The following RGS12 variants were observed in gnomAD, a reference collection of about 807,000 sequenced individuals.
The protein encoded by RGS12 is regulator of G protein signaling 12.
Under a neutral mutation model 120.1 loss-of-function variants are expected in RGS12, and 66 were observed. That is an observed-to-expected ratio of 0.55 (90% CI 0.45 to 0.67). The LOEUF (loss-of-function observed/expected upper bound fraction) is 0.67, where lower values mean the gene tolerates loss of function less well. Ranked by LOEUF, RGS12 falls within the 30% of genes least tolerant of loss-of-function variation. RGS12 has a pLI of 0.00. For missense variants in RGS12, 1,859 were observed against 1,957.7 expected (o/e 0.95, Z 0.95); for synonymous variants, 827 against 804.7 (o/e 1.03, Z -0.47).
intron 3 of RGS12, among the ~76,000 whole-genome samples, chr4:3,361,205 CA>C (rs1307060712): frequency 1.3e-5 from 2 of 152,108 alleles, no homozygotes; most frequent in Non-Finnish European, 2.9e-5. Context: ...TGGAAACAGG[CA>C]AGACTGTTGA....
At chr4:3,384,957 G>T (rs1351406351) in intron 3 of RGS12, among the ~76,000 whole-genome samples, 1 of 152,228 alleles carries the variant, frequency 6.6e-6, no homozygotes, top group African/African-American at 2.4e-5. Context: ...GGGGTGGTCA[G>T]ACAGGATGTG....
intron 3 of RGS12, among the ~76,000 whole-genome samples, chr4:3,346,228 A>G (rs1432589130): frequency 6.6e-6 from 1 of 152,208 alleles, no homozygotes; most frequent in African/African-American, 2.4e-5. Flanking sequence ...CAGTTGTATT[A>G]GGGATGTTCC....
At chr4:3,315,290 G>A (rs576272594) in intron 1 of RGS12, among the ~76,000 whole-genome samples, 1 of 152,292 alleles carries the variant, frequency 6.6e-6, no homozygotes, top group East Asian at 1.9e-4. Context: ...GGAATCCTAG[G>A]GAATCACTGG....
chr4:3,388,901 C>T (rs2108982295), intron 4 of RGS12, among the ~76,000 whole-genome samples: 1 of 152,354 alleles, frequency 6.6e-6, no homozygotes, highest in South Asian at 2.1e-4. Flanking sequence ...GAAAAATGCT[C>T]CCCGAGTTCC....
In RGS12 at chr4:3,303,216, C is replaced by T. The variant is rs940107382; in HGVS notation, c.-102+10117C>T. Among the ~76,000 whole-genome samples the T allele has an allele frequency of 2.4e-4, 37 of 152,222 alleles. 1 individual carries two copies. The highest frequency in any genetic ancestry group is 1.9e-3 in the South Asian group (9 of 4,814). On this transcript the variant is annotated intron_variant, in intron 1 of 17. Transcript: ENST00000336727. ...GAAGTGGGGAAGGACAAAGCGCTGGCAGCTGTGGGCAGGAGGAGGGTGAGG... is the reference window on the plus strand; with the variant it reads ...GAAGTGGGGAAGGACAAAGCGCTGGTAGCTGTGGGCAGGAGGAGGGTGAGG...
intron 2 of RGS12, among the ~76,000 whole-genome samples, chr4:3,322,245 G>C (rs906119444): frequency 6.6e-6 from 1 of 152,204 alleles, no homozygotes; most frequent in East Asian, 1.9e-4. Flanking sequence ...GCTCATCCTT[G>C]TCAGCTTCTC....
intron 2 of RGS12, among the ~76,000 whole-genome samples, chr4:3,326,786 C>A (rs1725577891): frequency 1.3e-5 from 2 of 152,024 alleles, no homozygotes; most frequent in African/African-American, 4.8e-5. Context: ...AGGAAAACTA[C>A]AAAATACTGA....
intron 17 of RGS12, among the ~76,000 whole-genome samples, chr4:3,432,484 G>A (rs1724409043): frequency 6.6e-6 from 1 of 152,218 alleles, no homozygotes; most frequent in Non-Finnish European, 1.5e-5. Flanking sequence ...GCAGCCCTGG[G>A]GCTGTGGCTG....
intron 3 of RGS12, among the ~76,000 whole-genome samples, chr4:3,349,052 T>C (rs535219313): frequency 1.3e-5 from 2 of 152,320 alleles, no homozygotes; most frequent in South Asian, 4.1e-4. Flanking sequence ...AATCAAAACG[T>C]CCTGCAGTTT....
intron 5 of RGS12, 88 bp from the exon 6 acceptor site, chr4:3,414,664 A>G: frequency 1.1e-6 from 1 of 951,632 alleles, no homozygotes; most frequent in Non-Finnish European, 1.7e-6. Flanking sequence ...CTGAGCAGCC[A>G]GTGACCCCGT....
chr4:3,424,753 G>T (rs1723431171), intron 13 of RGS12, among the ~76,000 whole-genome samples: 1 of 152,178 alleles, frequency 6.6e-6, no homozygotes, highest in Admixed American at 6.5e-5. Flanking sequence ...GCTGTCTCCT[G>T]ACCTCTCCAG....
rs554152462 is a variant in RGS12, at chr4:3,302,479, C to T, written c.-102+9380C>T. On this transcript the variant is annotated intron_variant, in intron 1 of 17. Transcript: ENST00000336727. ...AGTTTCTGGAGTTCACGTTGTGTGG[C>T]CTTCAAAACCACAGAGACACGGGCA... Among the ~76,000 whole-genome samples the T allele has an allele frequency of 7.9e-5, 12 of 152,350 alleles. No individual in the cohort carries two copies. In the South Asian group the frequency reaches 2.5e-3, roughly 32 times the overall value.
At chr4:3,309,927 G>GA (rs56749438) in intron 1 of RGS12, among the ~76,000 whole-genome samples, 42 of 138,586 alleles carry the variant, frequency 3.0e-4, no homozygotes, top group South Asian at 5.0e-4. Context: ...TGGGACCCTG[G>GA]AATGGCAGGT....
intron 4 of RGS12, among the ~76,000 whole-genome samples, chr4:3,409,779 G>A (rs1205318778): frequency 6.6e-6 from 1 of 152,202 alleles, no homozygotes; most frequent in Non-Finnish European, 1.5e-5. Context: ...GTTGAGCTGT[G>A]CCAGCCACAG....
intron 17 of RGS12, among the ~76,000 whole-genome samples, chr4:3,438,437 G>C (rs568605760): frequency 3.3e-5 from 5 of 151,922 alleles, no homozygotes; most frequent in East Asian, 3.9e-4. Context: ...GGTGGGGTCA[G>C]TGGGCGGGAA....
intron 12 of RGS12, 103 bp from the exon 13 acceptor site, chr4:3,423,412 G>C: frequency 6.8e-7 from 1 of 1,475,584 alleles, no homozygotes; most frequent in Non-Finnish European, 9.3e-7. Context: ...GCACACCGAG[G>C]CCTTGAGGGC....
chr4:3,336,510 T>C (rs1049858331), intron 2 of RGS12, among the ~76,000 whole-genome samples: 3 of 152,236 alleles, frequency 2.0e-5, no homozygotes, highest in African/African-American at 4.8e-5. Context: ...TTAAGCTACA[T>C]ACTCTCTTGT....
rs577155653 is a variant in RGS12, at chr4:3,406,035, G to T, written c.2021-8037G>T. ...GGCTCCCCCATAAGCACATTTAGCT[G>T]CACTGATAGTGCCTACATCTGGGCT... On this transcript the variant is annotated intron_variant, in intron 4 of 17. Coordinates refer to ENST00000336727, the MANE Select transcript of RGS12 (RefSeq NM_001394154.1). Among the ~76,000 whole-genome samples, 7 of 152,256 alleles carry T rather than the reference G, an allele frequency of 4.6e-5. No individual in the cohort carries two copies. The East Asian group carries it at 1.4e-3, about 29-fold the overall frequency.
intron 1 of RGS12, among the ~76,000 whole-genome samples, chr4:3,312,339 A>G (rs1724451076): frequency 6.6e-6 from 1 of 152,232 alleles, no homozygotes; most frequent in Non-Finnish European, 1.5e-5. Context: ...AGTCTGGGCA[A>G]CATAGTGAGA....
Sources: allele counts gnomAD v4.1 joint callset (sites outside exome capture counted in the v4.1 genomes callset), GRCh38; gene constraint gnomAD v4.1.1; transcripts MANE v1.5; gene names NCBI Gene and HGNC (gene_info 2026-07-23, HGNC 2026-07-21).